Variants in LSAMP observed in about 807,000 individuals in gnomAD.
LSAMP encodes limbic system-associated membrane protein.
In LSAMP, 7 loss-of-function variants were observed where a neutral mutation model predicts 38.6. The observed-to-expected ratio is 0.18, with a 90% CI of 0.10 to 0.34. The LOEUF is 0.34. LSAMP is among the 10% of genes least tolerant of loss of function. The pLI is 1.00. For missense variants in LSAMP, 313 were observed against 420.0 expected (o/e 0.75, Z 2.23); for synonymous variants, 154 against 166.8 (o/e 0.92, Z 0.59).
chr3:115,890,324 T>G (rs769896897), intron 3 of LSAMP, among the ~76,000 whole-genome samples: 1 of 151,880 alleles, frequency 6.6e-6, no homozygotes, highest in Non-Finnish European at 1.5e-5. Context: ...AGTCATATAG[T>G]CATGTAACTA....
chr3:116,006,587 A>C (rs985342805), intron 3 of LSAMP, among the ~76,000 whole-genome samples: 2 of 152,182 alleles, frequency 1.3e-5, no homozygotes, highest in Non-Finnish European at 2.9e-5. Context: ...GAAAATGTTT[A>C]TCTCTGGTCT....
At chr3:115,964,831 A>C (rs543054074) in intron 3 of LSAMP, among the ~76,000 whole-genome samples, 1 of 152,150 alleles carries the variant, frequency 6.6e-6, no homozygotes, top group African/African-American at 2.4e-5. Flanking sequence ...AATCTAAAAA[A>C]CTATATGCTG....
chr3:116,357,551 A>G (rs773425244), intron 1 of LSAMP, among the ~76,000 whole-genome samples: 1 of 152,192 alleles, frequency 6.6e-6, no homozygotes, highest in Non-Finnish European at 1.5e-5. Flanking sequence ...TTATTCCCAG[A>G]ATACTAGGTA....
At chr3:116,204,882 A>C (rs6810336) in intron 1 of LSAMP, among the ~76,000 whole-genome samples, 74,293 of 129,566 alleles carry the variant, frequency 0.57, 22,277 homozygotes, top group East Asian at 0.74. Context: ...CTTGGCGATG[A>C]GGGCTCTTTT....
At chr3:116,436,806 T>A (rs973722188) in intron 1 of LSAMP, among the ~76,000 whole-genome samples, 2 of 152,180 alleles carry the variant, frequency 1.3e-5, no homozygotes, top group South Asian at 4.2e-4. Context: ...AACTACCATT[T>A]GATCCAGCAA....
chr3:116,349,515 T>TCA lies in LSAMP; in HGVS notation c.155+95361_155+95362insTG, dbSNP rs1318913033. Among the ~76,000 whole-genome samples the TCA allele has an allele frequency of 2.4e-3, 362 of 148,738 alleles. 4 individuals are homozygous for TCA. Among genetic ancestry groups the TCA allele is most frequent in the African/African-American group, 8.7e-3 (346 of 39,936 alleles). On this transcript the variant is annotated intron_variant, in intron 1 of 6. Transcript: ENST00000490035. ...CACACACACACACTCTCTCTCTCTC[T>TCA]CTCACACACACACACACACACTCAC... is the stretch of plus-strand genomic sequence containing the variant.
At chr3:115,939,226 G>A (rs1937812257) in intron 3 of LSAMP, among the ~76,000 whole-genome samples, 1 of 152,016 alleles carries the variant, frequency 6.6e-6, no homozygotes, top group South Asian at 2.1e-4. Flanking sequence ...TGAAGCTCCA[G>A]TCTTAGTTTC....
At chr3:116,087,651 C>T (rs1708022081) in intron 1 of LSAMP, among the ~76,000 whole-genome samples, 1 of 152,060 alleles carries the variant, frequency 6.6e-6, no homozygotes, top group Non-Finnish European at 1.5e-5. Flanking sequence ...ATTAAGACAC[C>T]CTGTTCCCCT....
chr3:115,981,852 C>T (rs188913517), intron 3 of LSAMP, among the ~76,000 whole-genome samples: 1 of 152,116 alleles, frequency 6.6e-6, no homozygotes, highest in Non-Finnish European at 1.5e-5. Context: ...TCTTTTTATG[C>T]CACCTTCCTT....
At chr3:115,836,802 T>C (rs1457372202) in intron 6 of LSAMP, among the ~76,000 whole-genome samples, 1 of 152,226 alleles carries the variant, frequency 6.6e-6, no homozygotes, top group African/African-American at 2.4e-5. Context: ...TAAAAGGCTT[T>C]GCCAAGTCTT....
intron 1 of LSAMP, among the ~76,000 whole-genome samples, chr3:116,155,294 G>A (rs1254153598): frequency 4.6e-5 from 7 of 151,688 alleles, no homozygotes; most frequent in Non-Finnish European, 5.9e-5. Context: ...GCATGATCTC[G>A]GCTCACTGCA....
At chr3:115,898,290 A>T (rs1936779120) in intron 3 of LSAMP, among the ~76,000 whole-genome samples, 1 of 152,140 alleles carries the variant, frequency 6.6e-6, no homozygotes, top group African/African-American at 2.4e-5. Flanking sequence ...TTCATATGTT[A>T]ATGTGAGCTG....
chr3:115,898,418 G>T (rs918788386), intron 3 of LSAMP, among the ~76,000 whole-genome samples: 1 of 151,904 alleles, frequency 6.6e-6, no homozygotes, highest in Admixed American at 6.6e-5. Flanking sequence ...CTGTTCTGGG[G>T]CCACCTACAG....
intron 1 of LSAMP, among the ~76,000 whole-genome samples, chr3:116,391,982 CA>C (rs2048706660): frequency 6.6e-6 from 1 of 152,204 alleles, no homozygotes. Flanking sequence ...AATCCACTCC[CA>C]AAGGCACCCC....
chr3:116,390,186 T>C (rs570353369), intron 1 of LSAMP, among the ~76,000 whole-genome samples: 3 of 151,708 alleles, frequency 2.0e-5, no homozygotes, highest in Non-Finnish European at 4.4e-5. Flanking sequence ...TTCAGCAACA[T>C]TCGTGGATAG....
chr3:115,969,761 G>A (rs1938953776), intron 3 of LSAMP, among the ~76,000 whole-genome samples: 1 of 152,152 alleles, frequency 6.6e-6, no homozygotes, highest in African/African-American at 2.4e-5. Context: ...TCTGGGGTAA[G>A]GCTCAGCAAA....
At chr3:115,895,153 C>T (rs1936697421) in intron 3 of LSAMP, among the ~76,000 whole-genome samples, 1 of 152,068 alleles carries the variant, frequency 6.6e-6, no homozygotes, top group South Asian at 2.1e-4. Flanking sequence ...GGCTTTTGTC[C>T]TTTAACTATC....
intron 1 of LSAMP, among the ~76,000 whole-genome samples, chr3:116,234,701 T>C (rs1402627046): frequency 6.6e-6 from 1 of 152,122 alleles, no homozygotes; most frequent in Admixed American, 6.5e-5. Context: ...TCTTTTCTTC[T>C]CTATTTGAAT....
chr3:116,057,932 TACACAC>T (rs535645480), intron 2 of LSAMP, among the ~76,000 whole-genome samples: 2 of 136,732 alleles, frequency 1.5e-5, no homozygotes, highest in Admixed American at 7.4e-5. Context: ...ATATAGTAGC[TACACAC>T]ACACACACAC....
Sources: gnomAD v4.1 joint callset for allele counts (sites outside exome capture counted in the v4.1 genomes callset) on GRCh38, gnomAD v4.1.1 for gene constraint, MANE v1.5 for transcripts, NCBI Gene and HGNC (gene_info 2026-07-23, HGNC 2026-07-21) for gene names.